RBFOX1: variants seen among roughly 807,000 people sequenced by gnomAD.
RBFOX1 encodes RNA binding fox-1 homolog 1.
A neutral mutation model predicts 57.7 loss-of-function variants in RBFOX1; 8 were observed. That is an observed-to-expected ratio of 0.14 (90% confidence interval 0.08 to 0.25). The LOEUF is 0.25. RBFOX1 is among the 10% of genes least tolerant of loss of function. RBFOX1 has a pLI of 1.00. For missense variants in RBFOX1, 611 were observed against 548.5 expected (o/e 1.11, Z -1.14); for synonymous variants, 326 against 222.4 (o/e 1.47, Z -4.15).
intron 4 of RBFOX1, among the ~76,000 whole-genome samples, chr16:7,468,810 T>C (rs1349984203): frequency 3.3e-5 from 5 of 152,234 alleles, no homozygotes; most frequent in South Asian, 2.1e-4. Flanking sequence ...ACTCTTTCTT[T>C]TGGGTGGATG....
At chr16:5,874,957 T>A (rs1158628563) in intron 4 of RBFOX1, among the ~76,000 whole-genome samples, 1 of 151,968 alleles carries the variant, frequency 6.6e-6, no homozygotes, top group South Asian at 2.1e-4. Flanking sequence ...CATAAATAAA[T>A]GCATGAATGA....
At chr16:5,372,855 C>G (rs1434059350) in intron 1 of RBFOX1, among the ~76,000 whole-genome samples, 1 of 152,216 alleles carries the variant, frequency 6.6e-6, no homozygotes, top group African/African-American at 2.4e-5. Flanking sequence ...TCAAAACACA[C>G]TTGTGATCCT....
intron 1 of RBFOX1, among the ~76,000 whole-genome samples, chr16:5,441,283 A>G (rs144417402): frequency 2.6e-5 from 4 of 152,112 alleles, no homozygotes; most frequent in African/African-American, 7.2e-5. Flanking sequence ...CTCTGGGGAT[A>G]CAGTGGTCAG....
chr16:6,673,246 C>T (rs747196411), intron 3 of RBFOX1, among the ~76,000 whole-genome samples: 1 of 152,070 alleles, frequency 6.6e-6, no homozygotes, highest in Non-Finnish European at 1.5e-5. Context: ...TCTCTGATCC[C>T]AAAGGTCCCT....
At chr16:7,441,945 G>T (rs2098771306) in intron 4 of RBFOX1, among the ~76,000 whole-genome samples, 1 of 152,226 alleles carries the variant, frequency 6.6e-6, no homozygotes. Flanking sequence ...CTTTGCATCT[G>T]CATTGGGGCT....
intron 1 of RBFOX1, among the ~76,000 whole-genome samples, chr16:6,252,970 A>T (rs1225859676): frequency 2.0e-5 from 3 of 152,156 alleles, no homozygotes; most frequent in Non-Finnish European, 4.4e-5. Flanking sequence ...TAGTGATATA[A>T]TGCTTTCTTC....
At chr16:7,696,976 T>C (rs2078998496) in intron 14 of RBFOX1, among the ~76,000 whole-genome samples, 1 of 152,130 alleles carries the variant, frequency 6.6e-6, no homozygotes, top group South Asian at 2.1e-4. Flanking sequence ...GTTTAATAGA[T>C]AACATCTAGG....
intron 1 of RBFOX1, among the ~76,000 whole-genome samples, chr16:6,025,081 G>A (rs967168692): frequency 2.4e-4 from 36 of 152,204 alleles, no homozygotes; most frequent in African/African-American, 8.2e-4. Flanking sequence ...ACCATTGGGG[G>A]ATTTTATGCA....
chr16:5,796,092 C>G (rs887835794), intron 3 of RBFOX1, among the ~76,000 whole-genome samples: 2 of 152,138 alleles, frequency 1.3e-5, no homozygotes. Flanking sequence ...GGACTTCTGT[C>G]ACTTTGTGAA....
intron 4 of RBFOX1, among the ~76,000 whole-genome samples, chr16:7,479,121 T>TC (rs1414968416): frequency 2.7e-5 from 4 of 150,372 alleles, no homozygotes; most frequent in African/African-American, 9.8e-5. Context: ...TTTTGTTTTT[T>TC]TTTTTTTAAT....
intron 1 of RBFOX1, among the ~76,000 whole-genome samples, chr16:6,153,047 T>TG (rs201386457): frequency 0.024 from 3,692 of 151,124 alleles, 62 homozygotes; most frequent in Middle Eastern, 0.041. Flanking sequence ...TTTTTTTTTT[T>TG]TTGTTAATTT....
At chr16:6,550,576 T>G (rs374920386) in intron 2 of RBFOX1, among the ~76,000 whole-genome samples, 8 of 152,194 alleles carry the variant, frequency 5.3e-5, no homozygotes, top group African/African-American at 1.9e-4. Context: ...TGCACCTGCC[T>G]CAGCCTCCCA....
intron 4 of RBFOX1, among the ~76,000 whole-genome samples, chr16:7,129,463 C>G (rs538769412): frequency 2.0e-5 from 3 of 152,056 alleles, no homozygotes; most frequent in South Asian, 4.2e-4. Context: ...AATAATATCC[C>G]CCACTGATAG....
intron 1 of RBFOX1, among the ~76,000 whole-genome samples, chr16:6,297,698 C>T (rs2078289678): frequency 6.6e-6 from 1 of 152,042 alleles, no homozygotes; most frequent in Non-Finnish European, 1.5e-5. Context: ...CATATAAACC[C>T]CAAACACCCA....
chr16:6,866,903 C>G (rs527278618), intron 3 of RBFOX1, among the ~76,000 whole-genome samples: 3 of 151,786 alleles, frequency 2.0e-5, no homozygotes, highest in East Asian at 1.9e-4. Flanking sequence ...CACAAAGCAT[C>G]AAGATAAGGA....
intron 2 of RBFOX1, among the ~76,000 whole-genome samples, chr16:6,423,821 C>T (rs1209456887): frequency 1.3e-5 from 2 of 152,080 alleles, no homozygotes; most frequent in Non-Finnish European, 2.9e-5. Context: ...GGAATCAGAA[C>T]AGAAGAGAAA....
intron 4 of RBFOX1, among the ~76,000 whole-genome samples, chr16:7,396,521 C>A (rs1568617961): frequency 6.6e-6 from 1 of 152,186 alleles, no homozygotes; most frequent in Non-Finnish European, 1.5e-5. Flanking sequence ...CACAGTCACT[C>A]AGAGTAGCTT....
At chr16:5,551,040 G>A (rs2045442178) in intron 2 of RBFOX1, among the ~76,000 whole-genome samples, 2 of 152,262 alleles carry the variant, frequency 1.3e-5, no homozygotes, top group African/African-American at 4.8e-5. Context: ...AGGGAACTGT[G>A]GGGAGGCAAC....
chr16:6,456,562 T>C (rs1009348226), intron 2 of RBFOX1, among the ~76,000 whole-genome samples: 12 of 152,142 alleles, frequency 7.9e-5, no homozygotes, highest in Non-Finnish European at 1.6e-4. Context: ...TTAAGGACAA[T>C]TGGGAACCAT....
Sources: gnomAD v4.1 joint callset for allele counts (sites outside exome capture counted in the v4.1 genomes callset) on GRCh38, gnomAD v4.1.1 for gene constraint, MANE v1.5 for transcripts, NCBI Gene and HGNC (gene_info 2026-07-23, HGNC 2026-07-21) for gene names.